The following SLC36A1 variants were observed in gnomAD, a reference collection of about 807,000 sequenced individuals.
The protein encoded by SLC36A1 is proton-coupled amino acid transporter 1.
SLC36A1 carries 30 observed loss-of-function variants against 47.5 expected under a neutral mutation model. That is an observed-to-expected ratio of 0.63 (90% CI 0.47 to 0.86). The LOEUF (loss-of-function observed/expected upper bound fraction) is 0.86, where lower values mean the gene tolerates loss of function less well. SLC36A1 is among the 40% of genes least tolerant of loss of function. SLC36A1 has a pLI of 0.00. For missense variants in SLC36A1, 517 were observed against 606.0 expected (o/e 0.85, Z 1.54); for synonymous variants, 255 against 249.7 (o/e 1.02, Z -0.20).
the SLC36A1 span, among the ~76,000 whole-genome samples, chr5:151,350,116 T>TCACCACCAC: frequency 1.3e-5 from 2 of 150,698 alleles, no homozygotes; most frequent in African/African-American, 4.9e-5. Flanking sequence ...CACCCTATCC[T>TCACCACCAC]CACCACCACC....
chr5:151,462,142 A>G (rs1372394058), intron 2 of SLC36A1, among the ~76,000 whole-genome samples: 2 of 152,216 alleles, frequency 1.3e-5, no homozygotes, highest in African/African-American at 2.4e-5. Context: ...AAATTAGGAA[A>G]AAAAACCAAC....
At chr5:151,538,266 A>G in the SLC36A1 span, among the ~76,000 whole-genome samples, 1 of 152,252 alleles carries the variant, frequency 6.6e-6, no homozygotes, top group Non-Finnish European at 1.5e-5. Context: ...AGGCAGGGCT[A>G]GAAGGGACTG....
At chr5:151,400,690 GT>G in the SLC36A1 span, among the ~76,000 whole-genome samples, 40 of 148,598 alleles carry the variant, frequency 2.7e-4, no homozygotes, top group East Asian at 7.8e-3. Context: ...GTTTTGTTTT[GT>G]TTTTTTACTT....
chr5:151,409,816 T>C, the SLC36A1 span, among the ~76,000 whole-genome samples: 1 of 152,202 alleles, frequency 6.6e-6, no homozygotes, highest in Admixed American at 6.5e-5. Context: ...GGAAATGTAT[T>C]TCTACAGGAA....
the SLC36A1 span, among the ~76,000 whole-genome samples, chr5:151,418,612 C>A: frequency 6.6e-6 from 1 of 152,128 alleles, no homozygotes; most frequent in Non-Finnish European, 1.5e-5. Flanking sequence ...GTGTATTTAC[C>A]CAATGTCTGT....
At chr5:151,545,842 GT>G in the SLC36A1 span, 1 of 1,614,212 alleles carries the variant, frequency 6.2e-7, no homozygotes, top group East Asian at 2.2e-5. Context: ...GCCCACAAAA[GT>G]TGACTTTAAG....
At chr5:151,505,282 C>G in the SLC36A1 span, 1 of 486,166 alleles carries the variant, frequency 2.1e-6, no homozygotes, top group Non-Finnish European at 3.6e-6. Context: ...CTGTCTCTCG[C>G]CCACCCCGGG....
chr5:151,532,015 T>C, the SLC36A1 span: 1 of 1,598,042 alleles, frequency 6.3e-7, no homozygotes, highest in South Asian at 1.1e-5. Context: ...GGGCGCCTCC[T>C]CTGGACCTGC....
Position 151,467,769 on chromosome 5 carries a change from G to A in SLC36A1, c.567G>A (p.Thr189=), listed in dbSNP as rs746818028. The change falls in exon 7 of 11, where the codon ACG becomes ACA. Residue 189 remains threonine (T), a synonymous_variant. Coordinates refer to ENST00000243389, the MANE Select transcript of SLC36A1 (RefSeq NM_078483.4). The part of the protein sequence containing the change: ...NCHNNETVIL[T]PTMDSRLYML... ...ACAACAATGAGACGGTGATTCTGAC[G>A]CCTACCATGGACTCGCGACTCTACA... 1.1e-5 allele frequency: 17 copies of A among 1,613,812 alleles called. No homozygotes were observed. Among genetic ancestry groups the A allele is most frequent in the Admixed American group, 8.3e-5 (5 of 59,982 alleles).
chr5:151,553,904 C>G, the SLC36A1 span, among the ~76,000 whole-genome samples: 3 of 152,220 alleles, frequency 2.0e-5, no homozygotes, highest in African/African-American at 7.2e-5. Context: ...AAATGCTTGG[C>G]TAGCAATGAG....
chr5:151,385,009 A>AGAGAGTGCGT, the SLC36A1 span, among the ~76,000 whole-genome samples: 1 of 128,466 alleles, frequency 7.8e-6, no homozygotes, highest in Non-Finnish European at 1.6e-5. Flanking sequence ...AGAGAGAGAG[A>AGAGAGTGCGT]GTGTGTGTGT....
At chr5:151,425,832 T>C in the SLC36A1 span, among the ~76,000 whole-genome samples, 1 of 152,156 alleles carries the variant, frequency 6.6e-6, no homozygotes, top group Admixed American at 6.5e-5. Context: ...AATATAAATA[T>C]TTTAAAAGTT....
chr5:151,384,615 G>C, the SLC36A1 span, among the ~76,000 whole-genome samples: 1 of 152,168 alleles, frequency 6.6e-6, no homozygotes, highest in Non-Finnish European at 1.5e-5. Context: ...TCTCAGACTT[G>C]GAAGGAGCTT....
rs898427852 is a variant in SLC36A1, at chr5:151,442,178, G to A, written c.-6+4999G>A. 2.6e-4 allele frequency among the ~76,000 whole-genome samples: 40 copies of A among 151,998 alleles called. 1 individual carries two copies. Among genetic ancestry groups the A allele is most frequent in the Admixed American group, 2.6e-3 (40 of 15,248 alleles). On this transcript the variant is annotated intron_variant, in intron 1 of 8. Transcript: ENST00000429484. ...TTATTTTTCAAATAAATGTTTTTGT[G>A]TATATTTAGCATTTACAACATGATG...
the SLC36A1 span, chr5:151,527,090 C>T: frequency 2.5e-6 from 2 of 789,068 alleles, no homozygotes; most frequent in Middle Eastern, 4.0e-4. Flanking sequence ...ATAATGCCCT[C>T]CAGCAGTCTG....
chr5:151,373,602 G>T, the SLC36A1 span, among the ~76,000 whole-genome samples: 1 of 152,046 alleles, frequency 6.6e-6, no homozygotes, highest in African/African-American at 2.4e-5. Context: ...ATAATTACTG[G>T]CAGATCTGTT....
At chr5:151,508,475 C>T in the SLC36A1 span, among the ~76,000 whole-genome samples, 44 of 152,068 alleles carry the variant, frequency 2.9e-4, 2 homozygotes, top group Admixed American at 1.3e-4. Context: ...TTTGGGCAGC[C>T]GAGTCAGCGG....
chr5:151,540,209 G>C, the SLC36A1 span, among the ~76,000 whole-genome samples: 1 of 152,282 alleles, frequency 6.6e-6, no homozygotes, highest in Middle Eastern at 3.4e-3. Context: ...TGAACAGCTT[G>C]GTATATCCCT....
chr5:151,552,912 G>GAA, the SLC36A1 span, among the ~76,000 whole-genome samples: 1 of 152,238 alleles, frequency 6.6e-6, no homozygotes, highest in Non-Finnish European at 1.5e-5. Context: ...GGTCTCCTAG[G>GAA]CCCTTGGGGT....
Sources: gnomAD v4.1 joint callset for allele counts (sites outside exome capture counted in the v4.1 genomes callset) on GRCh38, gnomAD v4.1.1 for gene constraint, MANE v1.5 for transcripts, NCBI Gene and HGNC (gene_info 2026-07-23, HGNC 2026-07-21) for gene names.